CACNA2D1: variants seen among roughly 807,000 people sequenced by gnomAD.
CACNA2D1 encodes the protein voltage-dependent calcium channel subunit alpha-2/delta-1.
A neutral mutation model predicts 171.5 loss-of-function variants in CACNA2D1; 53 were observed. The observed-to-expected ratio is 0.31, with a 90% CI of 0.25 to 0.39. The LOEUF is 0.39. Among genes scored for constraint, CACNA2D1 ranks in the 10% least tolerant of loss-of-function variants. The pLI is 1.00. For missense variants in CACNA2D1, 903 were observed against 1,299.8 expected (o/e 0.69, Z 4.69); for synonymous variants, 442 against 443.1 (o/e 1.00, Z 0.03).
Position 82,005,516 on chromosome 7 carries a change from A to T in CACNA2D1, c.1516-19T>A. Reference sequence around the variant, plus strand: ...GGCACAGCTGGAAAAGAAAAAAAAAAAAAAGCTTGGATATGCCTGAGTCAC... The same window carrying T: ...GGCACAGCTGGAAAAGAAAAAAAAATAAAAGCTTGGATATGCCTGAGTCAC... On this transcript the variant is annotated intron_variant, in intron 17 of 38. Transcript: ENST00000356860. The T allele has an allele frequency of 6.5e-7, 1 of 1,538,458 alleles. No individual in the cohort carries two copies. Among genetic ancestry groups the T allele is most frequent in the Non-Finnish European group, 8.9e-7 (1 of 1,127,834 alleles).
chr7:82,304,980 G>A (rs1007072023), intron 3 of CACNA2D1, among the ~76,000 whole-genome samples: 3 of 152,100 alleles, frequency 2.0e-5, no homozygotes, highest in Middle Eastern at 3.2e-3. Flanking sequence ...TGTGTACACC[G>A]TAAGTATGTA....
At chr7:82,130,866 G>C (rs562281207) in intron 5 of CACNA2D1, among the ~76,000 whole-genome samples, 3 of 142,168 alleles carry the variant, frequency 2.1e-5, no homozygotes, top group East Asian at 4.2e-4. Context: ...GCACAATCTC[G>C]GCTCACTGCA....
At chr7:82,264,162 C>A (rs1271208003) in intron 3 of CACNA2D1, among the ~76,000 whole-genome samples, 1 of 152,130 alleles carries the variant, frequency 6.6e-6, no homozygotes. Flanking sequence ...TGTTTCTGAA[C>A]TGTTTCAATG....
At chr7:82,220,034 A>C (rs1465367639) in intron 3 of CACNA2D1, among the ~76,000 whole-genome samples, 1 of 152,152 alleles carries the variant, frequency 6.6e-6, no homozygotes, top group Non-Finnish European at 1.5e-5. Context: ...ATAGCTTTTG[A>C]CAACAGCAGA....
At chr7:81,969,790 T>C (rs1584230390) in intron 28 of CACNA2D1, 91 bp downstream of exon 28, 2 of 746,992 alleles carry the variant, frequency 2.7e-6, no homozygotes, top group East Asian at 2.7e-5. Flanking sequence ...GTAGTTAACA[T>C]AAAATGTAGT....
At chr7:82,184,066 A>T (rs776366728) in intron 3 of CACNA2D1, among the ~76,000 whole-genome samples, 6 of 151,012 alleles carry the variant, frequency 4.0e-5, no homozygotes, top group Admixed American at 6.6e-5. Context: ...CTGCCAATTC[A>T]GTGAGTAGGA....
intron 4 of CACNA2D1, among the ~76,000 whole-genome samples, chr7:82,154,171 TA>T (rs1218327452): frequency 6.6e-6 from 1 of 152,212 alleles, no homozygotes; most frequent in African/African-American, 2.4e-5. Flanking sequence ...ATGCTTCACA[TA>T]ACGTCTGTGT....
chr7:82,415,020 T>A (rs1321660500), intron 1 of CACNA2D1, among the ~76,000 whole-genome samples: 1 of 152,254 alleles, frequency 6.6e-6, no homozygotes, highest in African/African-American at 2.4e-5. Context: ...CTCCCTTTTT[T>A]ATTAAACAAG....
intron 33 of CACNA2D1, 49 bp downstream of exon 33, chr7:81,964,158 G>T (rs778525285): frequency 6.8e-6 from 11 of 1,607,964 alleles, no homozygotes; most frequent in Admixed American, 3.3e-5. Context: ...TGATACTGAG[G>T]ACACTTGAGT....
intron 4 of CACNA2D1, among the ~76,000 whole-genome samples, chr7:82,143,990 G>A (rs1792694959): frequency 6.6e-6 from 1 of 152,098 alleles, no homozygotes; most frequent in Non-Finnish European, 1.5e-5. Context: ...TGTCTGGCTA[G>A]TAAATCACAT....
intron 21 of CACNA2D1, 69 bp from the exon 22 acceptor site, chr7:81,984,780 C>G: frequency 4.8e-6 from 4 of 825,842 alleles, no homozygotes; most frequent in Non-Finnish European, 8.2e-6. Flanking sequence ...AAAAAAGACA[C>G]ATCAAGTTCA....
intron 12 of CACNA2D1, among the ~76,000 whole-genome samples, chr7:82,015,589 T>C (rs1033742179): frequency 4.6e-5 from 7 of 152,184 alleles, no homozygotes; most frequent in African/African-American, 1.7e-4. Context: ...ACTAATTTAG[T>C]AATCTAAGTA....
chr7:82,324,939 G>A (rs1816460901), intron 3 of CACNA2D1, among the ~76,000 whole-genome samples: 1 of 152,166 alleles, frequency 6.6e-6, no homozygotes, highest in Middle Eastern at 3.2e-3. Context: ...ATATTAAGGT[G>A]TAAAGGGCTA....
chr7:81,978,982 G>T (rs1796163948), intron 24 of CACNA2D1, among the ~76,000 whole-genome samples: 1 of 99,324 alleles, frequency 1.0e-5, no homozygotes, highest in Non-Finnish European at 2.1e-5. Flanking sequence ...CAGCTGTATT[G>T]ATATCATTCA....
chr7:81,992,515 T>C (rs1001385442), intron 20 of CACNA2D1, among the ~76,000 whole-genome samples: 2 of 152,030 alleles, frequency 1.3e-5, no homozygotes, highest in Non-Finnish European at 2.9e-5. Context: ...TTAAAAGAAT[T>C]AGAAGAAACA....
intron 38 of CACNA2D1, among the ~76,000 whole-genome samples, chr7:81,953,639 A>T (rs1034671049): frequency 3.3e-5 from 5 of 152,158 alleles, no homozygotes; most frequent in Non-Finnish European, 7.4e-5. Flanking sequence ...TGATAAATGA[A>T]GAGTAGGTAC....
intron 1 of CACNA2D1, among the ~76,000 whole-genome samples, chr7:82,392,712 T>A (rs950536142): frequency 1.1e-4 from 17 of 152,160 alleles, no homozygotes; most frequent in African/African-American, 4.1e-4. Flanking sequence ...AATGAATGAA[T>A]GTATTAACAT....
chr7:82,392,263 C>T (rs533671991), intron 1 of CACNA2D1, among the ~76,000 whole-genome samples: 1 of 152,256 alleles, frequency 6.6e-6, no homozygotes, highest in South Asian at 2.1e-4. Context: ...ACGTGCTCCC[C>T]CATTATGAGC....
intron 1 of CACNA2D1, among the ~76,000 whole-genome samples, chr7:82,414,690 G>A (rs1346257574): frequency 6.6e-6 from 1 of 152,168 alleles, no homozygotes; most frequent in Non-Finnish European, 1.5e-5. Flanking sequence ...GGAGGTGTAT[G>A]TGTCCAGAAT....
Sources: gnomAD v4.1 joint callset for allele counts (sites outside exome capture counted in the v4.1 genomes callset) on GRCh38, gnomAD v4.1.1 for gene constraint, MANE v1.5 for transcripts, NCBI Gene and HGNC (gene_info 2026-07-23, HGNC 2026-07-21) for gene names.